WWC1: variants seen among roughly 807,000 people sequenced by gnomAD.
The protein encoded by WWC1 is protein KIBRA.
Under a neutral mutation model 138.4 loss-of-function variants are expected in WWC1, and 55 were observed. That is an observed-to-expected ratio of 0.40 (90% CI 0.32 to 0.50). The LOEUF is 0.50. Ranked by LOEUF, WWC1 falls within the 20% of genes least tolerant of loss-of-function variation. The probability of loss-of-function intolerance (pLI) is 0.72; values close to 1 mark genes in which losing one functional copy is unlikely to be tolerated. For synonymous variants in WWC1, 524 were observed against 564.9 expected (o/e 0.93, Z 1.03); for missense variants, 1,226 against 1,420.4 (o/e 0.86, Z 2.20).
intron 1 of WWC1, among the ~76,000 whole-genome samples, chr5:168,296,195 G>A (rs1171134891): frequency 1.3e-5 from 2 of 152,182 alleles, no homozygotes; most frequent in Non-Finnish European, 2.9e-5. Context: ...GAAGGTTCCT[G>A]CAGCCTGATT....
rs565128258 is a variant in WWC1 at position 168,375,938 on chromosome 5, C to T, written c.229+4405C>T. On this transcript the variant is annotated intron_variant, in intron 2 of 22. Coordinates refer to ENST00000265293, the MANE Select transcript of WWC1 (RefSeq NM_015238.3). ...ATTTCATGTCAGTATTCAGTATCCC[C>T]GATTATCTACACATACCATGATTAG... Among the ~76,000 whole-genome samples, 7 of 152,206 alleles carry T rather than the reference C, an allele frequency of 4.6e-5. No homozygotes were observed. The East Asian group carries it at 7.7e-4, about 17-fold the overall frequency.
chr5:168,452,677 C>T (rs1201485261), intron 17 of WWC1, among the ~76,000 whole-genome samples: 1 of 152,194 alleles, frequency 6.6e-6, no homozygotes, highest in Non-Finnish European at 1.5e-5. Context: ...TAGACTTGTA[C>T]ATGAATGTAC....
intron 8 of WWC1, among the ~76,000 whole-genome samples, chr5:168,413,159 G>A (rs1288081551): frequency 1.3e-5 from 2 of 152,144 alleles, no homozygotes; most frequent in Non-Finnish European, 2.9e-5. Context: ...TGTTGGCCAC[G>A]TTTATGATTT....
chr5:168,455,324 C>G (rs1479732422), intron 18 of WWC1, 32 bp from the exon 19 acceptor site: 1 of 1,547,732 alleles, frequency 6.5e-7, no homozygotes, highest in African/African-American at 1.4e-5. Context: ...TCTGTGGACA[C>G]TGGTGGCTTC....
intron 1 of WWC1, among the ~76,000 whole-genome samples, chr5:168,358,471 G>A (rs1775625264): frequency 6.6e-6 from 1 of 152,150 alleles, no homozygotes; most frequent in Non-Finnish European, 1.5e-5. Context: ...TCATCTCATG[G>A]TAGGGATGGG....
chr5:168,424,624 T>C (rs1462903696), intron 11 of WWC1, among the ~76,000 whole-genome samples: 1 of 152,024 alleles, frequency 6.6e-6, no homozygotes, highest in Admixed American at 6.6e-5. Flanking sequence ...GAGCCAGCCT[T>C]GGGAAAAGCA....
At chr5:168,379,796 AT>A (rs1035186278) in intron 2 of WWC1, among the ~76,000 whole-genome samples, 15 of 152,222 alleles carry the variant, frequency 9.9e-5, no homozygotes, top group African/African-American at 3.6e-4. Flanking sequence ...TGGTATCCAT[AT>A]GGAAAAAAAA....
rs191848340 is a variant in WWC1, at chr5:168,451,637, C to A, written c.2526-2331C>A. On this transcript the variant is annotated intron_variant, in intron 17 of 22. Transcript: ENST00000265293. ...AATCAATCACCTGAGCCCAAGAGTT[C>A]AAGGCGACAGTGAGCTATGATCACA... Among the ~76,000 whole-genome samples, 14 of 152,188 alleles carry A rather than the reference C, an allele frequency of 9.2e-5. No homozygotes were observed. The East Asian group carries it at 2.5e-3, about 27-fold the overall frequency.
chr5:168,414,796 T>C (rs1780479427), intron 9 of WWC1: 3 of 699,316 alleles, frequency 4.3e-6, no homozygotes, highest in Admixed American at 6.9e-5. Context: ...GAATTTTGCA[T>C]GGTGAATCAT....
intron 1 of WWC1, among the ~76,000 whole-genome samples, chr5:168,353,299 C>G (rs1775135449): frequency 6.6e-6 from 1 of 152,248 alleles, no homozygotes; most frequent in South Asian, 2.1e-4. Flanking sequence ...ACCCTGTGAC[C>G]TGGCCTGGCT....
intron 3 of WWC1, among the ~76,000 whole-genome samples, chr5:168,391,086 A>G (rs1433550479): frequency 1.3e-5 from 2 of 152,144 alleles, no homozygotes. Context: ...CAGTCAGTCA[A>G]ATGCTAAGGC....
chr5:168,414,669 G>A, intron 9 of WWC1, 79 bp downstream of exon 9: 1 of 1,464,434 alleles, frequency 6.8e-7, no homozygotes, highest in Non-Finnish European at 9.0e-7. Flanking sequence ...GGGGAAGAAT[G>A]AGGGGGCTCC....
intron 1 of WWC1, among the ~76,000 whole-genome samples, chr5:168,352,539 C>G (rs1447870351): frequency 6.6e-6 from 1 of 151,900 alleles, no homozygotes; most frequent in Admixed American, 6.6e-5. Flanking sequence ...GCGACTTGAC[C>G]TCTCCATGCC....
intron 9 of WWC1, among the ~76,000 whole-genome samples, chr5:168,419,302 G>A (rs1780899877): frequency 6.6e-6 from 1 of 152,148 alleles, no homozygotes; most frequent in Non-Finnish European, 1.5e-5. Flanking sequence ...GAACACATCT[G>A]TCCATGGAAG....
chr5:168,319,201 C>T (rs1250927156), intron 1 of WWC1, among the ~76,000 whole-genome samples: 2 of 152,046 alleles, frequency 1.3e-5, no homozygotes, highest in Non-Finnish European at 2.9e-5. Context: ...GAGTGGATCA[C>T]CTGACGTCAG....
At chr5:168,333,235 A>G (rs1773186618) in intron 1 of WWC1, among the ~76,000 whole-genome samples, 1 of 151,836 alleles carries the variant, frequency 6.6e-6, no homozygotes, top group African/African-American at 2.4e-5. Flanking sequence ...CCAATTGACT[A>G]TCTCCTTGCC....
At chr5:168,370,168 G>T (rs1304902815) in intron 1 of WWC1, among the ~76,000 whole-genome samples, 1 of 151,960 alleles carries the variant, frequency 6.6e-6, no homozygotes, top group Non-Finnish European at 1.5e-5. Flanking sequence ...CAAAGTGCTG[G>T]GATTATAGGC....
At chr5:168,461,257 A>G (rs895877857) in intron 20 of WWC1, among the ~76,000 whole-genome samples, 7 of 150,846 alleles carry the variant, frequency 4.6e-5, no homozygotes, top group Non-Finnish European at 8.9e-5. Context: ...GCTTAAACGC[A>G]GGAGGCAGAG....
chr5:168,393,397 G>T (rs1349248409), intron 3 of WWC1, among the ~76,000 whole-genome samples: 7 of 152,128 alleles, frequency 4.6e-5, no homozygotes, highest in Non-Finnish European at 1.0e-4. Context: ...ACACAGAAAT[G>T]ATCAGGACTC....
Sources: allele counts gnomAD v4.1 joint callset (sites outside exome capture counted in the v4.1 genomes callset), GRCh38; gene constraint gnomAD v4.1.1; transcripts MANE v1.5; gene names NCBI Gene and HGNC (gene_info 2026-07-23, HGNC 2026-07-21).